The following ARHGAP26 variants were observed in gnomAD, a reference collection of about 807,000 sequenced individuals.
The protein encoded by ARHGAP26 is rho GTPase-activating protein 26.
Under a neutral mutation model 104.8 loss-of-function variants are expected in ARHGAP26, and 38 were observed. That is an observed-to-expected ratio of 0.36 (90% confidence interval 0.28 to 0.48). ARHGAP26 has a LOEUF of 0.48. ARHGAP26 is among the 20% of genes least tolerant of loss of function. The pLI is 0.99. For missense variants in ARHGAP26, 704 were observed against 947.9 expected, an observed-to-expected ratio of 0.74 and a Z score of 3.38; for synonymous variants, 341 against 340.0, an observed-to-expected ratio of 1.00 and a Z score of -0.03.
intron 20 of ARHGAP26, among the ~76,000 whole-genome samples, chr5:143,199,537 G>T (rs1224385882): frequency 1.3e-5 from 2 of 152,162 alleles, no homozygotes; most frequent in Non-Finnish European, 2.9e-5. Context: ...GGACATTTTA[G>T]ATTTTCATGG....
In ARHGAP26 at chr5:143,224,737, C is replaced by T. The variant is rs1039765486; in HGVS notation, c.*2291C>T. 11 of 228,796 alleles carry T rather than the reference C, an allele frequency of 4.8e-5. No homozygotes were observed. The highest frequency in any genetic ancestry group is 8.7e-5 in the Non-Finnish European group (10 of 115,376). 14.2% of individuals were successfully genotyped at this position (228,796 alleles called of 1,614,324 possible). On this transcript the variant is annotated 3_prime_UTR_variant, in exon 23 of 23. Transcript: ENST00000645722. ...TCAATGTGCTGCTGCTTTCCCTTCT[C>T]CTAAACATTTTAAAACTCTTCCCTT...
rs759334252 is a variant in ARHGAP26 at position 142,903,702 on chromosome 5, T to C, written c.832+33T>C. The C allele has an allele frequency of 1.9e-6, 3 of 1,604,184 alleles. No homozygotes were observed. In the Admixed American group the frequency reaches 5.1e-5, roughly 28 times the overall value. On this transcript the variant is annotated intron_variant, in intron 8 of 22. Coordinates refer to ENST00000645722, the MANE Select transcript of ARHGAP26 (RefSeq NM_001135608.3). ...CTTTGACTAGCAACAGCTTGGGATG[T>C]ACTCAGGCCTCTTACCTAGAAGGTG...
chr5:142,867,327 G>T (rs1384981316), intron 1 of ARHGAP26, among the ~76,000 whole-genome samples: 1 of 140,998 alleles, frequency 7.1e-6, no homozygotes, highest in South Asian at 2.3e-4. Context: ...GTGTGTGTGT[G>T]TTTTGTTTGT....
chr5:143,111,121 G>A (rs539341546), intron 17 of ARHGAP26, among the ~76,000 whole-genome samples: 1 of 152,316 alleles, frequency 6.6e-6, no homozygotes, highest in Non-Finnish European at 1.5e-5. Context: ...TACCAGTAGA[G>A]AAGCTTAGAG....
chr5:142,816,512 C>T (rs1413116041), intron 1 of ARHGAP26, among the ~76,000 whole-genome samples: 1 of 152,192 alleles, frequency 6.6e-6, no homozygotes, highest in African/African-American at 2.4e-5. Flanking sequence ...GAAGCAAAGG[C>T]ATCTTGTAGG....
At chr5:142,909,843 T>G (rs915386183) in intron 9 of ARHGAP26, among the ~76,000 whole-genome samples, 1 of 152,208 alleles carries the variant, frequency 6.6e-6, no homozygotes. Context: ...AGTCTGTTTT[T>G]GGGCCTTTTA....
At position 143,180,021 on chromosome 5, in the gene ARHGAP26, C is replaced by CT. The variant is rs543586602; in HGVS notation, c.1989-27175dup. ...CTTTTGTCTTTGGTGGCACCACACT[C>CT]TTGAAGTTTTCTGGACATCTCTCTG... On this transcript the variant is annotated intron_variant, in intron 20 of 22. Transcript: ENST00000645722. Among the ~76,000 whole-genome samples, 6 of 152,326 alleles carry CT rather than the reference C, an allele frequency of 3.9e-5. No homozygotes were observed. The East Asian group carries it at 1.2e-3, about 29-fold the overall frequency.
intron 4 of ARHGAP26, 70 bp from the exon 5 acceptor site, chr5:142,885,228 A>C: frequency 1.6e-6 from 2 of 1,285,190 alleles, no homozygotes; most frequent in Non-Finnish European, 2.2e-6. Context: ...AAGGATCTTG[A>C]GAGATGGAGG....
intron 22 of ARHGAP26, chr5:143,216,347 T>C: frequency 6.4e-6 from 3 of 466,794 alleles, no homozygotes; most frequent in South Asian, 4.7e-5. Flanking sequence ...GAGTGATCTT[T>C]GAAAAACGGA....
At chr5:143,209,772 CTCCATCTCAAA>C (rs1809144817) in intron 21 of ARHGAP26, among the ~76,000 whole-genome samples, 1 of 147,912 alleles carries the variant, frequency 6.8e-6, no homozygotes, top group Non-Finnish European at 1.5e-5. Context: ...CAGAGCTAGA[CTCCATCTCAAA>C]AAAAAAAAAA....
intron 5 of ARHGAP26, among the ~76,000 whole-genome samples, chr5:142,893,279 A>AC (rs968648424): frequency 1.9e-4 from 29 of 151,838 alleles, no homozygotes; most frequent in African/African-American, 7.0e-4. Flanking sequence ...CCTGACTCCC[A>AC]CCCCTTTCTT....
intron 7 of ARHGAP26, among the ~76,000 whole-genome samples, chr5:142,903,065 C>T (rs1334589503): frequency 6.6e-6 from 1 of 152,184 alleles, no homozygotes; most frequent in African/African-American, 2.4e-5. Flanking sequence ...TTCCTCTAGC[C>T]TTGTCTAGTC....
chr5:142,939,755 C>T (rs1260296600), intron 11 of ARHGAP26, among the ~76,000 whole-genome samples: 3 of 152,234 alleles, frequency 2.0e-5, no homozygotes, highest in African/African-American at 7.2e-5. Flanking sequence ...GACAGTCTCT[C>T]TGAGCAGGTT....
At chr5:143,088,902 CGGAATGAGTCAGGGGGTAGCAGGTAATG>C (rs1483108820) in intron 17 of ARHGAP26, among the ~76,000 whole-genome samples, 6 of 151,848 alleles carry the variant, frequency 4.0e-5, no homozygotes, top group Non-Finnish European at 7.4e-5. Flanking sequence ...AGCAGATAAT[CGGAATGAGTCAGGGGGTAGCAGGTAATG>C]GGAATGAGTC....
Position 143,062,826 on chromosome 5 carries a change from A to T in ARHGAP26, c.1538+5079A>T, listed in dbSNP as rs888157942. Among the ~76,000 whole-genome samples the T allele has an allele frequency of 5.3e-5, 8 of 152,222 alleles. No individual in the cohort carries two copies. The East Asian group carries it at 1.5e-3, about 29-fold the overall frequency. Reference sequence around the variant, plus strand: ...TAATATTCCCTCTTTTTCCATCCCAAATCTAGAAGATAAGATTTAACTTAC... The same window carrying T: ...TAATATTCCCTCTTTTTCCATCCCATATCTAGAAGATAAGATTTAACTTAC... On this transcript the variant is annotated intron_variant, in intron 17 of 22. Transcript: ENST00000645722.
At chr5:143,021,455 A>T (rs1201205328) in intron 12 of ARHGAP26, among the ~76,000 whole-genome samples, 1 of 152,230 alleles carries the variant, frequency 6.6e-6, no homozygotes, top group Non-Finnish European at 1.5e-5. Flanking sequence ...AAAAGTTATT[A>T]ATTTCATCAG....
chr5:143,133,914 T>C lies in ARHGAP26; in HGVS notation c.1699-53T>C, dbSNP rs1797637061. 38 of 1,542,254 alleles carry C rather than the reference T, an allele frequency of 2.5e-5. 1 individual carries two copies. The South Asian group carries it at 4.7e-4, about 19-fold the overall frequency. On this transcript the variant is annotated intron_variant, in intron 18 of 22. Transcript: ENST00000645722. ...TTCCGTTGTACTGCTTCAGGCCTGT[T>C]TTCTTCCCAGTCCACAGATGTGAGT...
At chr5:143,045,019 A>G (rs1477774988) in intron 14 of ARHGAP26, among the ~76,000 whole-genome samples, 3 of 152,200 alleles carry the variant, frequency 2.0e-5, no homozygotes, top group East Asian at 1.9e-4. Flanking sequence ...GAAAAGAAAT[A>G]TGACATTTTA....
chr5:142,775,313 G>A (rs554939572), intron 1 of ARHGAP26, among the ~76,000 whole-genome samples: 1 of 151,998 alleles, frequency 6.6e-6, no homozygotes, highest in East Asian at 1.9e-4. Context: ...GGTGTGTAGT[G>A]GTATCTCATT....
Sources: allele counts gnomAD v4.1 joint callset (sites outside exome capture counted in the v4.1 genomes callset), GRCh38; gene constraint gnomAD v4.1.1; transcripts MANE v1.5; gene names NCBI Gene and HGNC (gene_info 2026-07-23, HGNC 2026-07-21).